The following SKIL variants were observed in gnomAD, a reference collection of about 807,000 sequenced individuals.
SKIL encodes SKI like proto-oncogene.
Under a neutral mutation model 69.6 loss-of-function variants are expected in SKIL, and 20 were observed. That is an observed-to-expected ratio of 0.29 (90% CI 0.20 to 0.42). SKIL has a LOEUF of 0.42. SKIL is among the 10% of genes least tolerant of loss of function. SKIL has a pLI of 1.00. For missense variants in SKIL, 745 were observed against 783.1 expected, an observed-to-expected ratio of 0.95 and a Z score of 0.58; for synonymous variants, 310 against 279.9, an observed-to-expected ratio of 1.11 and a Z score of -1.08.
chr3:170,367,493 T>C (rs1210143605), intron 2 of SKIL, among the ~76,000 whole-genome samples: 1 of 142,944 alleles, frequency 7.0e-6, no homozygotes, highest in Non-Finnish European at 1.5e-5. Flanking sequence ...TGAGATGGAG[T>C]TTCGCCCTTG....
chr3:170,381,190 T>C, intron 2 of SKIL, 54 bp from the exon 3 acceptor site: 1 of 984,100 alleles, frequency 1.0e-6, no homozygotes, highest in South Asian at 1.3e-5. Flanking sequence ...ACACATAAAA[T>C]TAACCTTCAC....
chr3:170,375,517 G>A (rs1736989482), intron 2 of SKIL, among the ~76,000 whole-genome samples: 1 of 152,114 alleles, frequency 6.6e-6, no homozygotes, highest in South Asian at 2.1e-4. Flanking sequence ...TGAGATTCCA[G>A]TATTCATTAT....
chr3:170,388,551 G>T (rs1341773877), intron 4 of SKIL, among the ~76,000 whole-genome samples: 3 of 151,692 alleles, frequency 2.0e-5, no homozygotes, highest in Admixed American at 2.0e-4. Flanking sequence ...TTTCACCTCA[G>T]CCTCCCAAGT....
chr3:170,360,258 C>T lies in SKIL; in HGVS notation c.-74C>T, dbSNP rs534536313. ...GATAGGCATTTGTATCCATTCATTA[C>T]TTTCCTCTTTTCAAATAAGCAACTA... On this transcript the variant is annotated 5_prime_UTR_variant, in exon 2 of 7. Transcript: ENST00000259119. The T allele has an allele frequency of 5.9e-5, 81 of 1,369,052 alleles. No individual in the cohort carries two copies. The East Asian group carries it at 1.4e-3, about 23-fold the overall frequency. The allele number at this position is 1,369,052 out of a possible 1,614,324, so 84.8% of individuals were successfully genotyped here. A position where few individuals can be genotyped will look rare whatever the true frequency, so the allele number is the denominator to read the frequency against.
At chr3:170,367,812 A>T (rs1047091945) in intron 2 of SKIL, among the ~76,000 whole-genome samples, 1 of 152,186 alleles carries the variant, frequency 6.6e-6, no homozygotes, top group Admixed American at 6.6e-5. Flanking sequence ...CTCTTAGGTA[A>T]GTAAAATATT....
At chr3:170,381,168 C>T in intron 2 of SKIL, 76 bp from the exon 3 acceptor site, 1 of 804,638 alleles carries the variant, frequency 1.2e-6, no homozygotes, top group East Asian at 2.5e-5. Context: ...ACCCAGTGGC[C>T]CAGTCAGGTT....
At chr3:170,367,601 G>A (rs1384764889) in intron 2 of SKIL, among the ~76,000 whole-genome samples, 4 of 151,882 alleles carry the variant, frequency 2.6e-5, no homozygotes, top group Non-Finnish European at 5.9e-5. Flanking sequence ...CTAGTAGCTG[G>A]GATTACAGGT....
At position 170,359,690 on chromosome 3, in the gene SKIL, T is replaced by G. The variant is rs1332676759; in HGVS notation, c.-633-9T>G. ...TAACTCTTCCCCAACCCCCCTTCTC[T>G]TCTTCCAGATTAATTAAAAGAAGAA... On this transcript the variant is annotated splice_polypyrimidine_tract_variant and intron_variant, in intron 1 of 6. Coordinates refer to ENST00000259119, the MANE Select transcript of SKIL (RefSeq NM_005414.5). 1 of 152,196 alleles carries G rather than the reference T, an allele frequency of 6.6e-6. No homozygotes were observed. Among genetic ancestry groups the G allele is most frequent in the Non-Finnish European group, 1.5e-5 (1 of 68,048 alleles). The allele number at this position is 152,196 out of a possible 1,614,324, so 9.4% of individuals were successfully genotyped here.
intron 2 of SKIL, among the ~76,000 whole-genome samples, chr3:170,377,407 T>G (rs917656739): frequency 5.0e-4 from 75 of 150,074 alleles, no homozygotes; most frequent in African/African-American, 1.7e-3. Flanking sequence ...CCTTTTTTTT[T>G]TTTTTTAATT....
rs748699771 is a variant in SKIL at position 170,391,307 on chromosome 3, G to T, written c.1896+47G>T. 8 of 1,101,486 alleles carry T rather than the reference G, an allele frequency of 7.3e-6. No individual in the cohort carries two copies. In the East Asian group the frequency reaches 2.0e-4, roughly 28 times the overall value. The allele number at this position is 1,101,486 out of a possible 1,614,324, so 68.2% of individuals were successfully genotyped here. ...ATGGTGCCCTTTCAGCATGGAAATG[G>T]AAACTGTTACTTCTCTCTTTTTTTT... is the stretch of plus-strand genomic sequence containing the variant. On this transcript the variant is annotated intron_variant, in intron 6 of 6. Coordinates refer to ENST00000259119, the MANE Select transcript of SKIL (RefSeq NM_005414.5).
At chr3:170,388,168 A>T (rs1375066330) in intron 4 of SKIL, among the ~76,000 whole-genome samples, 2 of 152,032 alleles carry the variant, frequency 1.3e-5, no homozygotes, top group Non-Finnish European at 2.9e-5. Flanking sequence ...ATCTTTGTCA[A>T]CACTTGTTAT....
chr3:170,389,339 A>G (rs1283192599), intron 4 of SKIL, among the ~76,000 whole-genome samples: 1 of 138,276 alleles, frequency 7.2e-6, no homozygotes, highest in Non-Finnish European at 1.5e-5. Context: ...TTTGAGACGG[A>G]GTCTTGCTCT....
intron 3 of SKIL, 82 bp from the exon 4 acceptor site, chr3:170,384,451 A>G (rs1422280696): frequency 1.6e-6 from 1 of 630,922 alleles, no homozygotes; most frequent in East Asian, 2.8e-5. Flanking sequence ...AAGTTTAACC[A>G]CAGAAATGCA....
intron 2 of SKIL, among the ~76,000 whole-genome samples, chr3:170,363,127 G>T (rs1233192032): frequency 6.6e-6 from 1 of 151,826 alleles, no homozygotes; most frequent in Non-Finnish European, 1.5e-5. Flanking sequence ...TTTCATTTAG[G>T]AACTTTGAAT....
chr3:170,371,896 A>ACATT (rs1396988626), intron 2 of SKIL, among the ~76,000 whole-genome samples: 4 of 152,218 alleles, frequency 2.6e-5, no homozygotes, highest in Non-Finnish European at 1.5e-5. Context: ...AAAATAGAGG[A>ACATT]CATTGCACAT....
rs1022865574 is a variant in SKIL, at chr3:170,394,448, A to G, written c.*2031A>G. On this transcript the variant is annotated 3_prime_UTR_variant, in exon 7 of 7. Transcript: ENST00000259119. ...TTTTGGAAGACAAACTCAAACACCTATAATTTCATTTATATTTCTAATTCA... is the reference window on the plus strand; with the variant it reads ...TTTTGGAAGACAAACTCAAACACCTGTAATTTCATTTATATTTCTAATTCA... The G allele has an allele frequency of 6.6e-6, 1 of 152,154 alleles. No homozygotes were observed. 9.4% of individuals were successfully genotyped at this position (152,154 alleles called of 1,614,324 possible).
At chr3:170,367,838 C>T (rs1326286601) in intron 2 of SKIL, among the ~76,000 whole-genome samples, 2 of 152,106 alleles carry the variant, frequency 1.3e-5, no homozygotes, top group Non-Finnish European at 2.9e-5. Flanking sequence ...TTTTAATCTA[C>T]TTAGGGGGGA....
chr3:170,377,542 CTT>C (rs749615295), intron 2 of SKIL, among the ~76,000 whole-genome samples: 19 of 77,342 alleles, frequency 2.5e-4, no homozygotes, highest in African/African-American at 9.6e-4. Context: ...CTCAATAATT[CTT>C]TTTTTTTTTT....
chr3:170,358,305 TTCCCGCGGCCCCC>T (rs1736041813), intron 1 of SKIL, among the ~76,000 whole-genome samples: 1 of 151,176 alleles, frequency 6.6e-6, no homozygotes, highest in Non-Finnish European at 1.5e-5. Context: ...TCCACAGTCC[TTCCCGCGGCCCCC>T]GCGGGGGGGC....
Sources: gnomAD v4.1 joint callset for allele counts (sites outside exome capture counted in the v4.1 genomes callset) on GRCh38, gnomAD v4.1.1 for gene constraint, MANE v1.5 for transcripts, NCBI Gene and HGNC (gene_info 2026-07-23, HGNC 2026-07-21) for gene names.